Variants in SORCS1 observed in about 807,000 individuals in gnomAD.
The protein encoded by SORCS1 is sortilin related VPS10 domain containing receptor 1, also known as VPS10 domain-containing receptor SorCS1.
SORCS1 carries 60 observed loss-of-function variants against 146.1 expected under a neutral mutation model. The ratio of observed to expected loss-of-function variants is 0.41; its 90% CI spans 0.33 to 0.51. The LOEUF (loss-of-function observed/expected upper bound fraction) is 0.51, where lower values mean the gene tolerates loss of function less well. Ranked by LOEUF, SORCS1 falls within the 20% of genes least tolerant of loss-of-function variation. The pLI is 0.21. For synonymous variants in SORCS1, 637 were observed against 584.0 expected (o/e 1.09, Z -1.31); for missense variants, 1,352 against 1,487.6 (o/e 0.91, Z 1.50).
chr10:107,111,019 C>G (rs1014842786), intron 1 of SORCS1, among the ~76,000 whole-genome samples: 1 of 152,188 alleles, frequency 6.6e-6, no homozygotes, highest in Non-Finnish European at 1.5e-5. Context: ...TCAATCGCCA[C>G]AAGACTGCAA....
At chr10:107,084,015 A>C (rs1963551792) in intron 1 of SORCS1, among the ~76,000 whole-genome samples, 1 of 152,132 alleles carries the variant, frequency 6.6e-6, no homozygotes, top group East Asian at 1.9e-4. Flanking sequence ...ATTCACCTAA[A>C]ACTATACAGA....
intron 1 of SORCS1, among the ~76,000 whole-genome samples, chr10:107,126,904 T>C (rs1487099678): frequency 3.3e-5 from 5 of 152,172 alleles, no homozygotes; most frequent in Non-Finnish European, 7.3e-5. Context: ...GGGAGAATAC[T>C]TGTAAGCACT....
intron 1 of SORCS1, among the ~76,000 whole-genome samples, chr10:107,106,510 A>G (rs1315759408): frequency 6.6e-6 from 1 of 152,220 alleles, no homozygotes; most frequent in Non-Finnish European, 1.5e-5. Context: ...CAAACTATAT[A>G]TCTAAATATT....
Position 106,730,102 on chromosome 10 carries a change from C to T in SORCS1, c.972G>A (p.Gly324=), listed in dbSNP as rs1179932434. Residue 324 remains glycine (G), a synonymous_variant, in exon 6 of 26, where the codon GGG becomes GGA. Coordinates refer to ENST00000263054, the MANE Select transcript of SORCS1 (RefSeq NM_052918.5). The part of the protein sequence containing the change: ...VPNRFYWSVM[G]SNKEPDLVHL... ...GCACAAGGTCTGGTTCTTTATTTGA[C>T]CCCATCACAGACCTAAAAAATGGAG... The T allele has an allele frequency of 1.2e-6, 2 of 1,613,968 alleles. No individual in the cohort carries two copies. Among genetic ancestry groups the T allele is most frequent in the Non-Finnish European group, 8.5e-7 (1 of 1,180,022 alleles).
chr10:106,948,283 T>G (rs936598714), intron 2 of SORCS1, among the ~76,000 whole-genome samples: 1 of 81,984 alleles, frequency 1.2e-5, no homozygotes, highest in African/African-American at 4.8e-5. Context: ...TATTTACAGT[T>G]TTTTGAAAAA....
At chr10:107,028,674 A>C (rs1357610290) in intron 1 of SORCS1, among the ~76,000 whole-genome samples, 1 of 152,208 alleles carries the variant, frequency 6.6e-6, no homozygotes, top group Non-Finnish European at 1.5e-5. Context: ...AATTCAATCA[A>C]GCACTGTTGT....
At chr10:106,991,545 G>A (rs1453874005) in intron 1 of SORCS1, among the ~76,000 whole-genome samples, 1 of 152,224 alleles carries the variant, frequency 6.6e-6, no homozygotes, top group African/African-American at 2.4e-5. Flanking sequence ...ACTTATGCCT[G>A]TCAGCTTCAC....
rs930642925 is a variant in SORCS1 at position 106,972,656 on chromosome 10, C to G, written c.559-16076G>C. ...TGCCGTAGACAAGAGTAAACAGACA[C>G]CTGCTCTCATTACCCATCATAGCTG... is the stretch of plus-strand genomic sequence containing the variant. On this transcript the variant is annotated intron_variant, in intron 1 of 25. Transcript: ENST00000263054. Among the ~76,000 whole-genome samples the G allele has an allele frequency of 3.3e-5, 5 of 151,966 alleles. No homozygotes were observed. In the East Asian group the frequency reaches 7.7e-4, roughly 24 times the overall value.
At chr10:107,014,150 G>A (rs1162324586) in intron 1 of SORCS1, among the ~76,000 whole-genome samples, 1 of 151,958 alleles carries the variant, frequency 6.6e-6, no homozygotes, top group Non-Finnish European at 1.5e-5. Flanking sequence ...TACTTGGGTG[G>A]CTGAGGCAGG....
chr10:106,669,607 T>A (rs539616653), intron 16 of SORCS1, among the ~76,000 whole-genome samples: 1 of 152,330 alleles, frequency 6.6e-6, no homozygotes, highest in South Asian at 2.1e-4. Context: ...CAAAGGGTAG[T>A]ACAGAGATAA....
chr10:106,762,560 T>A (rs772928820), intron 4 of SORCS1, among the ~76,000 whole-genome samples: 1 of 143,912 alleles, frequency 6.9e-6, no homozygotes, highest in Non-Finnish European at 1.5e-5. Flanking sequence ...GCCCGGCTAA[T>A]TTTTTTTTTT....
intron 6 of SORCS1, among the ~76,000 whole-genome samples, chr10:106,715,714 C>T (rs1232963468): frequency 6.6e-6 from 1 of 152,176 alleles, no homozygotes; most frequent in Non-Finnish European, 1.5e-5. Flanking sequence ...CTCAAGCTAA[C>T]CACCTGTAAA....
chr10:106,673,520 T>C (rs1851772392), intron 14 of SORCS1, among the ~76,000 whole-genome samples: 1 of 152,206 alleles, frequency 6.6e-6, no homozygotes, highest in African/African-American at 2.4e-5. Flanking sequence ...AATCAAGTCA[T>C]AATAACAGGC....
intron 2 of SORCS1, 35 bp from the exon 3 acceptor site, chr10:106,829,708 G>A: frequency 6.6e-7 from 1 of 1,524,290 alleles, no homozygotes; most frequent in Non-Finnish European, 9.1e-7. Context: ...GAGGACAGAA[G>A]TATATGTCAT....
intron 17 of SORCS1, among the ~76,000 whole-genome samples, chr10:106,664,211 T>A (rs1037831238): frequency 1.3e-5 from 2 of 152,368 alleles, no homozygotes; most frequent in African/African-American, 2.4e-5. Context: ...AACATTTATA[T>A]ACCTGGATGC....
intron 3 of SORCS1, among the ~76,000 whole-genome samples, chr10:106,812,247 G>A (rs1205603605): frequency 2.0e-5 from 3 of 152,074 alleles, no homozygotes; most frequent in African/African-American, 4.8e-5. Flanking sequence ...TGATCCGCCC[G>A]CCTCGGCCTC....
At chr10:107,178,664 T>A in the SORCS1 span, among the ~76,000 whole-genome samples, 10 of 152,162 alleles carry the variant, frequency 6.6e-5, no homozygotes, top group Admixed American at 2.6e-4. Flanking sequence ...AATTTTTGCA[T>A]TTTTAGTAGA....
At chr10:106,950,605 G>A (rs773470115) in intron 2 of SORCS1, among the ~76,000 whole-genome samples, 3 of 151,922 alleles carry the variant, frequency 2.0e-5, no homozygotes, top group Non-Finnish European at 2.9e-5. Context: ...GTGTGTCTGT[G>A]TGTGTATATA....
intron 18 of SORCS1, among the ~76,000 whole-genome samples, chr10:106,638,151 G>A (rs543656086): frequency 6.6e-6 from 1 of 152,288 alleles, no homozygotes; most frequent in South Asian, 2.1e-4. Context: ...GTGGCTGTAG[G>A]AATTACATCA....
Sources: allele counts gnomAD v4.1 joint callset (sites outside exome capture counted in the v4.1 genomes callset), GRCh38; gene constraint gnomAD v4.1.1; transcripts MANE v1.5; gene names NCBI Gene and HGNC (gene_info 2026-07-23, HGNC 2026-07-21).